Variants in KCNMB2 observed in about 807,000 individuals in gnomAD.
KCNMB2 encodes the protein potassium calcium-activated channel subfamily M regulatory beta subunit 2, also known as calcium-activated potassium channel subunit beta-2.
KCNMB2 carries 9 observed loss-of-function variants against 24.5 expected under a neutral mutation model. That is an observed-to-expected ratio of 0.37 (90% CI 0.22 to 0.64). KCNMB2 has a LOEUF of 0.64. Among genes scored for constraint, KCNMB2 ranks in the 30% least tolerant of loss-of-function variants. The probability of loss-of-function intolerance (pLI) is 0.63; values close to 1 mark genes in which losing one functional copy is unlikely to be tolerated. For missense variants in KCNMB2, 226 were observed against 284.3 expected, an observed-to-expected ratio of 0.79 and a Z score of 1.47; for synonymous variants, 109 against 104.4, an observed-to-expected ratio of 1.04 and a Z score of -0.27.
chr3:178,621,048 C>A (rs2108527005), intron 1 of KCNMB2, among the ~76,000 whole-genome samples: 1 of 152,240 alleles, frequency 6.6e-6, no homozygotes, highest in South Asian at 2.1e-4. Context: ...AAGGCAATGC[C>A]ATGGTCAAAG....
chr3:178,617,474 C>T (rs781432786), intron 1 of KCNMB2, among the ~76,000 whole-genome samples: 106 of 152,058 alleles, frequency 7.0e-4, no homozygotes, highest in Non-Finnish European at 1.3e-3. Context: ...AGGAGAATCG[C>T]TTGAACCCGG....
At chr3:178,832,230 C>T (rs1414405298) in intron 4 of KCNMB2, among the ~76,000 whole-genome samples, 2 of 152,096 alleles carry the variant, frequency 1.3e-5, no homozygotes, top group African/African-American at 2.4e-5. Context: ...GACACATTCA[C>T]TGAGTATAAA....
intron 1 of KCNMB2, among the ~76,000 whole-genome samples, chr3:178,708,847 C>T (rs1158979886): frequency 1.3e-5 from 2 of 152,080 alleles, no homozygotes; most frequent in African/African-American, 4.8e-5. Flanking sequence ...TGGTTTTTGT[C>T]TCTTAATTAC....
At chr3:178,697,479 C>T (rs1002288960) in intron 1 of KCNMB2, among the ~76,000 whole-genome samples, 9 of 152,108 alleles carry the variant, frequency 5.9e-5, no homozygotes, top group Non-Finnish European at 7.4e-5. Flanking sequence ...CCACACATTT[C>T]TTTTAAACCT....
intron 4 of KCNMB2, among the ~76,000 whole-genome samples, chr3:178,834,996 C>T (rs182277547): frequency 1.3e-5 from 2 of 152,014 alleles, no homozygotes; most frequent in African/African-American, 2.4e-5. Context: ...ATCAGCCTCA[C>T]TTTAGGACTA....
chr3:178,728,633 A>AG (rs1191252490), intron 1 of KCNMB2, among the ~76,000 whole-genome samples: 5 of 152,102 alleles, frequency 3.3e-5, no homozygotes, highest in Admixed American at 6.6e-5. Context: ...CCTCAGGTCT[A>AG]GGGGGGTCCC....
intron 2 of KCNMB2, among the ~76,000 whole-genome samples, chr3:178,818,888 C>T (rs564233085): frequency 4.6e-5 from 7 of 151,378 alleles, no homozygotes; most frequent in African/African-American, 1.7e-4. Context: ...GGAATCCAAC[C>T]ACACTCTACT....
chr3:178,683,189 G>A (rs1721333933), intron 1 of KCNMB2, among the ~76,000 whole-genome samples: 1 of 152,072 alleles, frequency 6.6e-6, no homozygotes, highest in Non-Finnish European at 1.5e-5. Context: ...AATGCAGCTA[G>A]AGACCATTAT....
intron 1 of KCNMB2, among the ~76,000 whole-genome samples, chr3:178,649,900 G>A (rs1720048955): frequency 6.6e-6 from 1 of 151,716 alleles, no homozygotes; most frequent in Non-Finnish European, 1.5e-5. Context: ...AAATTTCTTT[G>A]CTCTTGTTTC....
Position 178,722,623 on chromosome 3 carries a change from G to C in KCNMB2, c.-67-84720G>C, listed in dbSNP as rs114138337. On this transcript the variant is annotated intron_variant, in intron 1 of 4. Coordinates refer to ENST00000452583, the MANE Select transcript of KCNMB2 (RefSeq NM_181361.3). Reference sequence around the variant, plus strand: ...ATGGTCCCACCTTTGGCGGGGCACGGTGACATATGCCTGTAATCCCAGCAC... The same window carrying C: ...ATGGTCCCACCTTTGGCGGGGCACGCTGACATATGCCTGTAATCCCAGCAC... 2.0e-5 allele frequency among the ~76,000 whole-genome samples: 3 copies of C among 152,134 alleles called. No homozygotes were observed. The East Asian group carries it at 5.8e-4, about 29-fold the overall frequency.
intron 1 of KCNMB2, among the ~76,000 whole-genome samples, chr3:178,556,113 A>G (rs980248980): frequency 6.6e-6 from 1 of 152,202 alleles, no homozygotes; most frequent in Non-Finnish European, 1.5e-5. Flanking sequence ...GACAGTGCTG[A>G]CTGAAGTTCA....
At chr3:178,813,570 G>A (rs1714278649) in intron 2 of KCNMB2, among the ~76,000 whole-genome samples, 1 of 152,040 alleles carries the variant, frequency 6.6e-6, no homozygotes, top group African/African-American at 2.4e-5. Flanking sequence ...AAATAACAAT[G>A]TTTCTTTGTT....
chr3:178,764,832 C>A (rs1376233632), intron 1 of KCNMB2, among the ~76,000 whole-genome samples: 1 of 152,122 alleles, frequency 6.6e-6, no homozygotes, highest in African/African-American at 2.4e-5. Context: ...AAAATAAAAT[C>A]TCTCCTGGCC....
chr3:178,550,632 G>GA (rs1267260130), intron 1 of KCNMB2, among the ~76,000 whole-genome samples: 4 of 152,086 alleles, frequency 2.6e-5, no homozygotes, highest in Admixed American at 6.6e-5. Context: ...TTAATAGACA[G>GA]AAAAAATATT....
intron 1 of KCNMB2, among the ~76,000 whole-genome samples, chr3:178,793,674 G>A (rs931241606): frequency 1.7e-4 from 26 of 152,128 alleles, no homozygotes; most frequent in African/African-American, 6.3e-4. Context: ...GTTCTGAGCA[G>A]AAGACGATTA....
chr3:178,576,475 G>C (rs930247339), intron 1 of KCNMB2, among the ~76,000 whole-genome samples: 15 of 152,106 alleles, frequency 9.9e-5, no homozygotes, highest in Non-Finnish European at 1.8e-4. Context: ...GTGGTGCCTG[G>C]AAAACCAGCA....
At position 178,657,683 on chromosome 3, in the gene KCNMB2, T is replaced by C. The variant is rs138569667; in HGVS notation, c.-68+120972T>C. Among the ~76,000 whole-genome samples, 10 of 152,336 alleles carry C rather than the reference T, an allele frequency of 6.6e-5. No homozygotes were observed. The East Asian group carries it at 1.9e-3, about 29-fold the overall frequency. ...AACAGAATACCTGAAACTGGATAAC[T>C]TATAATGAAAAGAAGTTTATTTGGC... On this transcript the variant is annotated intron_variant, in intron 1 of 4. Transcript: ENST00000452583.
Position 178,645,239 on chromosome 3 carries a change from G to A in KCNMB2, c.-68+108528G>A, listed in dbSNP as rs193096140. 2.4e-4 allele frequency among the ~76,000 whole-genome samples: 36 copies of A among 151,822 alleles called. 1 individual carries two copies. The highest frequency in any genetic ancestry group is 6.8e-4 in the African/African-American group (28 of 41,414). On this transcript the variant is annotated intron_variant, in intron 1 of 4. Coordinates refer to ENST00000452583, the MANE Select transcript of KCNMB2 (RefSeq NM_181361.3). The stretch of plus-strand genomic sequence containing the variant: ...CTAAGTTTGTATTTTTAGTAGAGAC[G>A]GGGTTTCTCCATGTTGGTCAGGTTG...
rs116403083 is a variant in KCNMB2 at position 178,663,127 on chromosome 3, G to T, written c.-68+126416G>T. Reference sequence around the variant, plus strand: ...TCCGTTGGTCCCTCATCTTCAAGGAGGCTGGCCTAGGTTTCTTCACTTGTT... The same window carrying T: ...TCCGTTGGTCCCTCATCTTCAAGGATGCTGGCCTAGGTTTCTTCACTTGTT... On this transcript the variant is annotated intron_variant, in intron 1 of 4. Coordinates refer to ENST00000452583, the MANE Select transcript of KCNMB2 (RefSeq NM_181361.3). 6.8e-3 allele frequency among the ~76,000 whole-genome samples: 1,029 copies of T among 152,178 alleles called. 12 individuals are homozygous for T. Among genetic ancestry groups the T allele is most frequent in the African/African-American group, 0.024 (999 of 41,528 alleles).
Sources: allele counts gnomAD v4.1 joint callset (sites outside exome capture counted in the v4.1 genomes callset), GRCh38; gene constraint gnomAD v4.1.1; transcripts MANE v1.5; gene names NCBI Gene and HGNC (gene_info 2026-07-23, HGNC 2026-07-21).